The following HK2 variants were observed in gnomAD, a reference collection of about 807,000 sequenced individuals.
The protein encoded by HK2 is hexokinase-2.
A neutral mutation model predicts 92.9 loss-of-function variants in HK2; 42 were observed. The observed-to-expected ratio is 0.45, with a 90% CI of 0.35 to 0.58. HK2 has a LOEUF of 0.58. Among genes scored for constraint, HK2 ranks in the 20% least tolerant of loss-of-function variants. HK2 has a pLI of 0.00. For synonymous variants in HK2, 422 were observed against 468.0 expected (o/e 0.90, Z 1.27); for missense variants, 978 against 1,245.1 (o/e 0.79, Z 3.23).
intron 1 of HK2, among the ~76,000 whole-genome samples, chr2:74,850,671 G>T (rs1232141446): frequency 6.6e-6 from 1 of 152,168 alleles, no homozygotes; most frequent in Non-Finnish European, 1.5e-5. Context: ...GTGGGTGAAA[G>T]TTGGCAAGAT....
intron 1 of HK2, among the ~76,000 whole-genome samples, chr2:74,847,873 A>C (rs1465573696): frequency 6.6e-6 from 1 of 152,238 alleles, no homozygotes; most frequent in Admixed American, 6.5e-5. Flanking sequence ...TGGGGACTGA[A>C]TGGCTAGGGA....
chr2:74,848,943 C>T (rs1278307252), intron 1 of HK2, among the ~76,000 whole-genome samples: 2 of 152,208 alleles, frequency 1.3e-5, no homozygotes, highest in African/African-American at 2.4e-5. Flanking sequence ...CCCCGATGGG[C>T]CTGGTTTCTC....
rs746790240 is a variant in HK2, at chr2:74,874,279, C to T, written c.705C>T (p.Asn235=). 3.5e-5 allele frequency: 56 copies of T among 1,614,006 alleles called. No individual in the cohort carries two copies. The highest frequency in any genetic ancestry group is 9.9e-5 in the South Asian group (9 of 91,080). Residue 235 remains asparagine (N), a synonymous_variant, in exon 7 of 18, where the codon AAC becomes AAT. Transcript: ENST00000290573. ...TTGTTTTGGCAGGCACGGGCAGCAACGCCTGCTACATGGAAGAGATGCGCC... is the reference window on the plus strand; with the variant it reads ...TTGTTTTGGCAGGCACGGGCAGCAATGCCTGCTACATGGAAGAGATGCGCC... ...EIGLIVGTGS[N]ACYMEEMRHI... is the part of the protein sequence containing the mutation.
chr2:74,836,383 A>G (rs1383215218), intron 1 of HK2, among the ~76,000 whole-genome samples: 1 of 152,228 alleles, frequency 6.6e-6, no homozygotes, highest in Non-Finnish European at 1.5e-5. Flanking sequence ...GGAATTAACC[A>G]GGGTATCTGG....
In HK2 at chr2:74,880,434, C is replaced by T. The variant is rs1349945865; in HGVS notation, c.1435C>T (p.Leu479=). ...ARQKTLEHLQ[L]SHDQLLEVKR... ...CCAGAAGACATTAGAGCATCTGCAGCTGAGCCATGACCAGCTGCTGGAGGT... is the reference window on the plus strand; with the variant it reads ...CCAGAAGACATTAGAGCATCTGCAGTTGAGCCATGACCAGCTGCTGGAGGT... Residue 479 remains leucine (L), a synonymous_variant, in exon 10 of 18, where the codon CTG becomes TTG. Transcript: ENST00000290573. 6.2e-7 allele frequency: 1 copy of T among 1,614,130 alleles called. No individual in the cohort carries two copies. The highest frequency in any genetic ancestry group is 1.7e-5 in the Admixed American group (1 of 60,012).
intron 4 of HK2, among the ~76,000 whole-genome samples, chr2:74,873,051 C>T (rs950390369): frequency 6.6e-6 from 1 of 152,232 alleles, no homozygotes; most frequent in African/African-American, 2.4e-5. Flanking sequence ...GCAGTATACA[C>T]AATCTGTCAC....
chr2:74,874,498 G>A, intron 7 of HK2, 49 bp downstream of exon 7: 1 of 1,540,092 alleles, frequency 6.5e-7, no homozygotes, highest in Non-Finnish European at 8.8e-7. Flanking sequence ...GCCTGGAGCT[G>A]AGTCTGGGGC....
intron 5 of HK2, 58 bp from the exon 6 acceptor site, chr2:74,873,786 T>C: frequency 8.9e-7 from 1 of 1,125,796 alleles, no homozygotes; most frequent in Non-Finnish European, 1.3e-6. Context: ...ATAGCTGGTG[T>C]TAGGAAAGTC....
rs35677390 is a variant in HK2 at position 74,877,284 on chromosome 2, G to C, written c.994G>C (p.Gly332Arg). ...GCTCAGCCCAGAGCTTCTCAACACCGGTCGCTTTGAGACCAAAGACATCTC... is the reference window on the plus strand; with the variant it reads ...GCTCAGCCCAGAGCTTCTCAACACCCGTCGCTTTGAGACCAAAGACATCTC... ...GKLSPELLNT[G>R]RFETKDISDI... Residue 332 changes from glycine (G) to arginine (R), a missense_variant, in exon 8 of 18, where the codon GGT becomes CGT. Transcript: ENST00000290573. 6.2e-7 allele frequency: 1 copy of C among 1,614,114 alleles called. No homozygotes were observed. The highest frequency in any genetic ancestry group is 1.3e-5 in the African/African-American group (1 of 75,016).
At chr2:74,866,503 G>A (rs62146710) in intron 2 of HK2, among the ~76,000 whole-genome samples, 9 of 152,106 alleles carry the variant, frequency 5.9e-5, no homozygotes, top group African/African-American at 1.9e-4. Flanking sequence ...TGCAGGTTCC[G>A]CGCCTCTTCA....
intron 3 of HK2, among the ~76,000 whole-genome samples, chr2:74,870,653 C>T (rs1182326393): frequency 6.8e-6 from 1 of 146,972 alleles, no homozygotes; most frequent in East Asian, 2.1e-4. Flanking sequence ...GTTTAATATA[C>T]GTATCATATA....
chr2:74,888,971 T>C (rs1191801841), intron 16 of HK2, among the ~76,000 whole-genome samples: 3 of 152,210 alleles, frequency 2.0e-5, no homozygotes, highest in Non-Finnish European at 4.4e-5. Flanking sequence ...TTGCTTTGTT[T>C]TGAGTATCTA....
intron 16 of HK2, among the ~76,000 whole-genome samples, chr2:74,888,430 C>G (rs889759299): frequency 6.6e-6 from 1 of 152,224 alleles, no homozygotes; most frequent in African/African-American, 2.4e-5. Context: ...CTGCTGGCTG[C>G]AGTAATCAGG....
intron 2 of HK2, among the ~76,000 whole-genome samples, chr2:74,858,819 G>T (rs1688750217): frequency 6.6e-6 from 1 of 152,216 alleles, no homozygotes; most frequent in South Asian, 2.1e-4. Flanking sequence ...TTGTGGTGGA[G>T]GCCTCCCCAT....
chr2:74,880,038 C>T (rs1015453424), intron 9 of HK2, among the ~76,000 whole-genome samples: 1 of 152,150 alleles, frequency 6.6e-6, no homozygotes, highest in Non-Finnish European at 1.5e-5. Flanking sequence ...ATTAAAAGGT[C>T]TTTTCCTTTC....
chr2:74,880,828 T>C (rs933294244), intron 10 of HK2, among the ~76,000 whole-genome samples: 2 of 152,256 alleles, frequency 1.3e-5, no homozygotes, highest in Admixed American at 6.5e-5. Flanking sequence ...CTTTGTTAAC[T>C]GTTAAAAAAT....
intron 2 of HK2, among the ~76,000 whole-genome samples, chr2:74,863,826 T>C (rs952361886): frequency 5.9e-5 from 9 of 152,158 alleles, no homozygotes; most frequent in Non-Finnish European, 1.3e-4. Context: ...AAAGGGCAGG[T>C]CCCTTTAGGG....
rs1037085153 is a variant in HK2 at position 74,834,553 on chromosome 2, C to T, written c.-28C>T. 6.2e-7 allele frequency: 1 copy of T among 1,613,234 alleles called. No homozygotes were observed. The highest frequency in any genetic ancestry group is 2.2e-5 in the East Asian group (1 of 44,858). On this transcript the variant is annotated 5_prime_UTR_variant, in exon 1 of 18. Coordinates refer to ENST00000290573, the MANE Select transcript of HK2 (RefSeq NM_000189.5). This position sits in a 1 kb window ranked among gnomAD's most constrained non-coding sequence, Gnocchi z 4.2. ...CTCTCGCGTCTCCGCCTCGGTTTCC[C>T]AACTCTGCGCCGTCGGGCCGCGGCA... is the stretch of plus-strand genomic sequence containing the variant.
chr2:74,856,350 T>C (rs978494213), intron 2 of HK2, among the ~76,000 whole-genome samples: 1 of 152,182 alleles, frequency 6.6e-6, no homozygotes, highest in African/African-American at 2.4e-5. Context: ...GCTGAGGGTA[T>C]GACCTTGCTT....
Sources: gnomAD v4.1 joint callset for allele counts (sites outside exome capture counted in the v4.1 genomes callset) on GRCh38, gnomAD v4.1.1 for gene constraint, Gnocchi (gnomAD v3.1) non-coding constraint, MANE v1.5 for transcripts, NCBI Gene and HGNC (gene_info 2026-07-23, HGNC 2026-07-21) for gene names.